Variants in NELL1 observed in about 807,000 individuals in gnomAD.
NELL1 encodes protein kinase C-binding protein NELL1.
NELL1 carries 76 observed loss-of-function variants against 107.4 expected under a neutral mutation model. The ratio of observed to expected loss-of-function variants is 0.71; its 90% CI spans 0.59 to 0.86. NELL1 has a LOEUF of 0.86. NELL1 is among the 40% of genes least tolerant of loss of function. The probability of loss-of-function intolerance (pLI) is 0.00; values close to 1 mark genes in which losing one functional copy is unlikely to be tolerated. For synonymous variants in NELL1, 353 were observed against 341.2 expected (o/e 1.03, Z -0.38); for missense variants, 1,024 against 1,005.5 (o/e 1.02, Z -0.25).
At chr11:20,812,086 C>G (rs538192580) in intron 3 of NELL1, among the ~76,000 whole-genome samples, 1 of 152,196 alleles carries the variant, frequency 6.6e-6, no homozygotes, top group South Asian at 2.1e-4. Flanking sequence ...TTATATATGA[C>G]CTTTATTATG....
intron 12 of NELL1, among the ~76,000 whole-genome samples, chr11:20,967,505 G>C (rs1038796809): frequency 6.6e-6 from 1 of 152,024 alleles, no homozygotes; most frequent in Non-Finnish European, 1.5e-5. Context: ...TCCCAATTTC[G>C]GGTAAGGGTA....
At chr11:21,558,578 G>T (rs1448576159) in intron 16 of NELL1, among the ~76,000 whole-genome samples, 1 of 151,944 alleles carries the variant, frequency 6.6e-6, no homozygotes, top group Non-Finnish European at 1.5e-5. Flanking sequence ...TGAAAAGGGA[G>T]GGGACAAGAG....
At chr11:21,007,015 T>C (rs1016526008) in intron 12 of NELL1, among the ~76,000 whole-genome samples, 2 of 152,116 alleles carry the variant, frequency 1.3e-5, no homozygotes, top group Non-Finnish European at 2.9e-5. Flanking sequence ...TATATTTATA[T>C]ATAACAATCT....
At chr11:21,326,803 G>T (rs1205505842) in intron 14 of NELL1, among the ~76,000 whole-genome samples, 1 of 148,640 alleles carries the variant, frequency 6.7e-6, no homozygotes, top group Non-Finnish European at 1.5e-5. Context: ...TTGTCTTCTG[G>T]CTTTGAAAAA....
chr11:21,395,167 A>G (rs766746462), intron 15 of NELL1, among the ~76,000 whole-genome samples: 1 of 151,570 alleles, frequency 6.6e-6, no homozygotes, highest in Non-Finnish European at 1.5e-5. Context: ...TTGGAAAGCA[A>G]CAAGTTAGGA....
intron 12 of NELL1, among the ~76,000 whole-genome samples, chr11:21,070,544 A>G (rs1291466661): frequency 2.6e-5 from 4 of 152,128 alleles, no homozygotes; most frequent in African/African-American, 9.7e-5. Context: ...ACTGAAATTG[A>G]ACAATATTTT....
At chr11:21,160,312 AT>A (rs917955851) in intron 13 of NELL1, among the ~76,000 whole-genome samples, 3 of 151,430 alleles carry the variant, frequency 2.0e-5, no homozygotes, top group Admixed American at 6.6e-5. Flanking sequence ...CTTAGCTAAT[AT>A]TTTTTTTTAG....
At chr11:20,996,540 T>A (rs969719275) in intron 12 of NELL1, among the ~76,000 whole-genome samples, 5 of 152,214 alleles carry the variant, frequency 3.3e-5, no homozygotes, top group African/African-American at 1.2e-4. Flanking sequence ...CATCTGTATC[T>A]CACCCTGTGA....
chr11:21,070,658 C>T (rs1025058876), intron 12 of NELL1, among the ~76,000 whole-genome samples: 107 of 152,088 alleles, frequency 7.0e-4, no homozygotes, highest in African/African-American at 2.5e-3. Flanking sequence ...CTTGCCTTTT[C>T]CAGAGTCTTG....
At chr11:21,450,818 C>T (rs1475134451) in intron 15 of NELL1, among the ~76,000 whole-genome samples, 2 of 151,674 alleles carry the variant, frequency 1.3e-5, no homozygotes, top group Admixed American at 6.6e-5. Flanking sequence ...ATATTTTTTT[C>T]TGTTTTTTTA....
At chr11:21,354,866 A>G (rs1029813065) in intron 14 of NELL1, among the ~76,000 whole-genome samples, 1 of 143,960 alleles carries the variant, frequency 6.9e-6, no homozygotes, top group South Asian at 2.1e-4. Flanking sequence ...AAGTCTCTAG[A>G]CTGTGACCTC....
chr11:20,965,831 T>A (rs1851377334), intron 12 of NELL1, among the ~76,000 whole-genome samples: 1 of 152,110 alleles, frequency 6.6e-6, no homozygotes, highest in East Asian at 1.9e-4. Flanking sequence ...ACAGAATACC[T>A]AAGTGGGTAG....
chr11:20,818,085 T>C (rs377386912), intron 3 of NELL1, among the ~76,000 whole-genome samples: 1 of 152,204 alleles, frequency 6.6e-6, no homozygotes, highest in African/African-American at 2.4e-5. Flanking sequence ...TGGAGTATTC[T>C]ATAGATGTCT....
intron 12 of NELL1, among the ~76,000 whole-genome samples, chr11:21,048,690 A>G (rs181908906): frequency 1.6e-4 from 24 of 152,256 alleles, no homozygotes; most frequent in African/African-American, 5.8e-4. Flanking sequence ...CATGCTTAGC[A>G]CTGTTTACCA....
At chr11:21,011,092 C>T (rs753402076) in intron 12 of NELL1, among the ~76,000 whole-genome samples, 1 of 152,138 alleles carries the variant, frequency 6.6e-6, no homozygotes, top group Non-Finnish European at 1.5e-5. Flanking sequence ...GATGGTTAAT[C>T]TCACACATTG....
chr11:21,575,193 A>G lies in NELL1; in HGVS notation c.*171A>G, dbSNP rs1229997638. 3.3e-6 allele frequency: 2 copies of G among 613,380 alleles called. No individual in the cohort carries two copies. Among genetic ancestry groups the G allele is most frequent in the Admixed American group, 2.7e-5 (1 of 37,300 alleles). The allele number at this position is 613,380 out of a possible 1,614,324, so 38.0% of individuals were successfully genotyped here. On this transcript the variant is annotated 3_prime_UTR_variant, in exon 20 of 20. Coordinates refer to ENST00000357134, the MANE Select transcript of NELL1 (RefSeq NM_006157.5). ...TTGGAGGTTGCCTTTTGGACCTACC[A>G]CTTTGCTCATTCTTGCTAACCTAGT...
intron 3 of NELL1, among the ~76,000 whole-genome samples, chr11:20,823,672 A>T (rs1050959618): frequency 2.6e-5 from 4 of 151,226 alleles, no homozygotes; most frequent in African/African-American, 9.7e-5. Context: ...AGTTTTAAAT[A>T]AGTTTCCAGG....
At chr11:20,934,885 G>C (rs10833413) in intron 9 of NELL1, among the ~76,000 whole-genome samples, 95,226 of 152,014 alleles carry the variant, frequency 0.63, 31,529 homozygotes, top group Admixed American at 0.76. Flanking sequence ...CATAAAAGAT[G>C]ATCAGGGATA....
chr11:20,812,505 G>GT (rs1055263532), intron 3 of NELL1, among the ~76,000 whole-genome samples: 4 of 152,136 alleles, frequency 2.6e-5, no homozygotes, highest in Admixed American at 2.6e-4. Context: ...CTCTAATTCA[G>GT]TTTTTTAAAA....
Sources: allele counts gnomAD v4.1 joint callset (sites outside exome capture counted in the v4.1 genomes callset), GRCh38; gene constraint gnomAD v4.1.1; transcripts MANE v1.5; gene names NCBI Gene and HGNC (gene_info 2026-07-23, HGNC 2026-07-21).